The following DSC1 variants were observed in gnomAD, a reference collection of about 807,000 sequenced individuals.
DSC1 encodes desmocollin-1.
In DSC1, 79 loss-of-function variants were observed where a neutral mutation model predicts 98.8. The ratio of observed to expected loss-of-function variants is 0.80; its 90% CI spans 0.67 to 0.96. DSC1 has a LOEUF of 0.96. Ranked by LOEUF, DSC1 falls within the 50% of genes least tolerant of loss-of-function variation. DSC1 has a pLI of 0.00. For synonymous variants in DSC1, 405 were observed against 372.1 expected, an observed-to-expected ratio of 1.09 and a Z score of -1.02; for missense variants, 1,115 against 1,075.9, an observed-to-expected ratio of 1.04 and a Z score of -0.51.
chr18:31,133,792 C>T (rs1222114672), intron 13 of DSC1, 99 bp downstream of exon 13: 1 of 1,216,906 alleles, frequency 8.2e-7, no homozygotes, highest in Non-Finnish European at 1.1e-6. Context: ...AAAGAACACA[C>T]TTCCCAAAGG....
chr18:31,134,968 A>G (rs1021827786), intron 11 of DSC1, among the ~76,000 whole-genome samples, 184 bp from the exon 12 acceptor site: 1 of 152,160 alleles, frequency 6.6e-6, no homozygotes, highest in Non-Finnish European at 1.5e-5. Flanking sequence ...TTTGAAGACT[A>G]GGGCTGGATC....
At chr18:31,146,455 TTG>T (rs1286821576) in intron 6 of DSC1, among the ~76,000 whole-genome samples, 16 of 152,202 alleles carry the variant, frequency 1.1e-4, no homozygotes. Context: ...TCTATGGCAT[TTG>T]TGTACTACAT....
Position 31,139,881 on chromosome 18 carries a change from C to T in DSC1, c.1530G>A (p.Lys510=). 1.3e-6 allele frequency: 2 copies of T among 1,597,220 alleles called. No individual in the cohort carries two copies. Among genetic ancestry groups the T allele is most frequent in the African/African-American group, 2.7e-5 (2 of 73,758 alleles). Residue 510 remains lysine, a synonymous_variant, in exon 11 of 16, where the codon AAG becomes AAA. Transcript: ENST00000257198. ...ISSGEGLRYQ[K]LGDEDNWFEI... Reference sequence around the variant, plus strand: ...CAAACCAGTTATCTTCATCCCCTAACTTCTGATACCTAATTTTTAGAAATC... The same window carrying T: ...CAAACCAGTTATCTTCATCCCCTAATTTCTGATACCTAATTTTTAGAAATC...
intron 4 of DSC1, among the ~76,000 whole-genome samples, chr18:31,155,639 T>G (rs1440524719): frequency 6.6e-6 from 1 of 152,178 alleles, no homozygotes; most frequent in African/African-American, 2.4e-5. Context: ...TCCAGCTATG[T>G]GGCAGTGAGG....
intron 6 of DSC1, among the ~76,000 whole-genome samples, chr18:31,146,727 C>T (rs1022208937): frequency 5.3e-5 from 8 of 152,280 alleles, no homozygotes; most frequent in South Asian, 2.1e-4. Flanking sequence ...GTTCATGGAC[C>T]ATTTTTGAAT....
chr18:31,145,131 A>T (rs1451227827), intron 7 of DSC1, among the ~76,000 whole-genome samples: 2 of 151,350 alleles, frequency 1.3e-5, no homozygotes, highest in Non-Finnish European at 2.9e-5. Flanking sequence ...TTTGGTAGAG[A>T]CGGCGTTTCA....
chr18:31,156,018 A>G lies in DSC1; in HGVS notation c.471+25T>C. 7 of 1,606,660 alleles carry G rather than the reference A, an allele frequency of 4.4e-6. No homozygotes were observed. In the South Asian group the frequency reaches 6.7e-5, roughly 15 times the overall value. Reference sequence around the variant, plus strand: ...AGAACAAAAAAAAATTTGGACACATATAAAATCAAATAAGTGAAATGCACC... The same window carrying G: ...AGAACAAAAAAAAATTTGGACACATGTAAAATCAAATAAGTGAAATGCACC... On this transcript the variant is annotated intron_variant, in intron 4 of 15. Coordinates refer to ENST00000257198, the MANE Select transcript of DSC1 (RefSeq NM_024421.2).
In DSC1 at chr18:31,154,885, T is replaced by C; in HGVS notation, c.516A>G (p.Ile172Met). 6.2e-7 allele frequency: 1 copy of C among 1,614,100 alleles called. No individual in the cohort carries two copies. ...AAQNYTIFYS[I>M]SGPGVDKEPF... ...GTTCTTTGTCCACGCCTGGCCCACT[T>C]ATGGAATAAAAGATGGTGTAATTCT... The change falls in exon 5 of 16, where the codon ATA becomes ATG. Residue 172 changes from isoleucine to methionine, a missense_variant. Physicochemically the swap from Ile to Met is conservative, Grantham distance 10. Coordinates refer to ENST00000257198, the MANE Select transcript of DSC1 (RefSeq NM_024421.2).
chr18:31,133,222 G>A (rs1053535992), intron 13 of DSC1, among the ~76,000 whole-genome samples: 4 of 151,972 alleles, frequency 2.6e-5, no homozygotes, highest in Non-Finnish European at 5.9e-5. Flanking sequence ...GGGTCAGAGG[G>A]AGAGAGAAAG....
chr18:31,148,596 G>A lies in DSC1; in HGVS notation c.674C>T (p.Pro225Leu), dbSNP rs755545326. ...TTADGYAPEY[P>L]LPLIIKIEDD... ...TTCAATTTTGATGATCAAAGGGAGT[G>A]GATATTCTGGTGCATAGCCATCTGC... Residue 225 changes from proline (P) to leucine (L), a missense_variant, in exon 6 of 16, where the codon CCA becomes CTA. Transcript: ENST00000257198. The A allele has an allele frequency of 1.1e-5, 18 of 1,608,760 alleles. No homozygotes were observed. The highest frequency in any genetic ancestry group is 2.2e-5 in the East Asian group (1 of 44,834).
At chr18:31,131,563 G>A in intron 15 of DSC1, 31 bp downstream of exon 15, 2 of 1,607,296 alleles carry the variant, frequency 1.2e-6, no homozygotes, top group Non-Finnish European at 1.7e-6. Context: ...TAACTTCCAT[G>A]TAATATGACC....
At chr18:31,150,957 G>A (rs1287621106) in intron 5 of DSC1, 2 of 152,038 alleles carry the variant, frequency 1.3e-5, no homozygotes, top group East Asian at 1.9e-4. Flanking sequence ...GACAAACTAC[G>A]CCTTCAGTTA....
rs1216917678 is a variant in DSC1 at position 31,162,817 on chromosome 18, GT to G, written c.-224del. 7.6e-6 allele frequency: 4 copies of G among 529,396 alleles called. No homozygotes were observed. Among genetic ancestry groups the G allele is most frequent in the African/African-American group, 5.8e-5 (3 of 51,886 alleles). 32.8% of individuals were successfully genotyped at this position (529,396 alleles called of 1,614,324 possible). ...TCCCTGGCCAGTCTCCTTCCTTCCAGTTCAATTACGTCTAAATGCAAAGAGG... is the reference window on the plus strand; with the variant it reads ...TCCCTGGCCAGTCTCCTTCCTTCCAGTCAATTACGTCTAAATGCAAAGAGG... On this transcript the variant is annotated 5_prime_UTR_variant, in exon 1 of 16. Transcript: ENST00000257198.
In DSC1 at chr18:31,134,711, T is replaced by C. The variant is rs754266057; in HGVS notation, c.1737A>G (p.Lys579=). ...CATTATTCTGACAAATGGTCACTTC[T>C]TTGTCAATTTGAGGTGCGTGATCGT... ...DYNDHAPQID[K]EVTICQNNED... Residue 579 remains lysine, a synonymous_variant, in exon 12 of 16, where the codon AAA becomes AAG. Coordinates refer to ENST00000257198, the MANE Select transcript of DSC1 (RefSeq NM_024421.2). 1.2e-6 allele frequency: 2 copies of C among 1,613,306 alleles called. No homozygotes were observed. The highest frequency in any genetic ancestry group is 1.7e-6 in the Non-Finnish European group (2 of 1,179,550).
chr18:31,150,909 T>C (rs1988990306), intron 5 of DSC1: 1 of 152,156 alleles, frequency 6.6e-6, no homozygotes, highest in African/African-American at 2.4e-5. Context: ...AATAAATAGC[T>C]CTTTGCATTC....
At chr18:31,140,447 G>T in intron 9 of DSC1, 146 bp from the exon 10 acceptor site, 1 of 792,464 alleles carries the variant, frequency 1.3e-6, no homozygotes, top group Non-Finnish European at 1.8e-6. Flanking sequence ...CCAACAATTA[G>T]CTTCCTAAAG....
intron 6 of DSC1, 100 bp from the exon 7 acceptor site, chr18:31,145,877 A>C (rs532660711): frequency 8.0e-7 from 1 of 1,250,084 alleles, no homozygotes; most frequent in African/African-American, 1.5e-5. Context: ...TCTCCCCCAA[A>C]CCACAAGTAG....
At chr18:31,158,633 C>A (rs1568006112) in intron 2 of DSC1, among the ~76,000 whole-genome samples, 1 of 152,182 alleles carries the variant, frequency 6.6e-6, no homozygotes, top group East Asian at 1.9e-4. Flanking sequence ...TCAGAGATGG[C>A]TATGGTACTA....
chr18:31,151,678 T>C (rs1342447504), intron 5 of DSC1, among the ~76,000 whole-genome samples: 1 of 152,198 alleles, frequency 6.6e-6, no homozygotes, highest in African/African-American at 2.4e-5. Flanking sequence ...ATTGCTGTCA[T>C]CTTTGGAAAA....
Sources: allele counts gnomAD v4.1 joint callset (sites outside exome capture counted in the v4.1 genomes callset), GRCh38; gene constraint gnomAD v4.1.1; transcripts MANE v1.5; gene names NCBI Gene and HGNC (gene_info 2026-07-23, HGNC 2026-07-21).